PCED1B: variants seen among roughly 807,000 people sequenced by gnomAD.
The protein encoded by PCED1B is PC-esterase domain containing 1B.
For synonymous variants in PCED1B, 251 were observed against 246.1 expected, an observed-to-expected ratio of 1.02 and a Z score of -0.19; for missense variants, 573 against 573.9, an observed-to-expected ratio of 1.00 and a Z score of 0.02.
At chr12:47,184,807 T>G (rs1228004840) in intron 2 of PCED1B, among the ~76,000 whole-genome samples, 1 of 152,192 alleles carries the variant, frequency 6.6e-6, no homozygotes, top group Non-Finnish European at 1.5e-5. Context: ...TATGAAAATT[T>G]TATTACCTTA....
intron 2 of PCED1B, among the ~76,000 whole-genome samples, chr12:47,109,127 C>T (rs1191274670): frequency 6.6e-6 from 1 of 152,154 alleles, no homozygotes; most frequent in Non-Finnish European, 1.5e-5. Flanking sequence ...TATGTTTTTG[C>T]ACTTTCCAAA....
At chr12:47,157,957 A>T (rs1443118513) in intron 2 of PCED1B, among the ~76,000 whole-genome samples, 2 of 152,232 alleles carry the variant, frequency 1.3e-5, no homozygotes, top group African/African-American at 2.4e-5. Context: ...TCCATGTTGT[A>T]GCATGTGTCA....
chr12:47,159,479 G>C (rs1941301035), intron 2 of PCED1B, among the ~76,000 whole-genome samples: 1 of 151,972 alleles, frequency 6.6e-6, no homozygotes, highest in South Asian at 2.1e-4. Flanking sequence ...GTTTTTGTTT[G>C]CATTTCTCTG....
chr12:47,236,247 T>C lies in PCED1B; in HGVS notation c.1184T>C (p.Val395Ala), dbSNP rs751665541. The C allele has an allele frequency of 3.7e-6, 6 of 1,614,130 alleles. No individual in the cohort carries two copies. The South Asian group carries it at 5.5e-5, about 15-fold the overall frequency. ...CCCCGTTATCAGCGGCCTGCCCCAG[T>C]GGTACATAGGGGTTTTGGCAGGTAT... The part of the protein sequence containing the change: ...PTPRYQRPAP[V>A]VHRGFGRYRP... Residue 395 changes from valine (V) to alanine (A), a missense_variant, in exon 4 of 4, where the codon GTG becomes GCG. Physicochemically the swap from Val to Ala is moderately conservative, Grantham distance 64. Coordinates refer to ENST00000546455, the MANE Select transcript of PCED1B (RefSeq NM_138371.3).
intron 1 of PCED1B, among the ~76,000 whole-genome samples, chr12:47,093,528 A>T (rs1336454964): frequency 6.6e-6 from 1 of 151,962 alleles, no homozygotes; most frequent in South Asian, 2.1e-4. Flanking sequence ...TCTTGAAATT[A>T]ACACTTAAAT....
chr12:47,231,913 A>G (rs1943820031), intron 3 of PCED1B, among the ~76,000 whole-genome samples: 1 of 152,156 alleles, frequency 6.6e-6, no homozygotes, highest in African/African-American at 2.4e-5. Context: ...CACATTTTGC[A>G]CTTTGGAGAC....
chr12:47,227,240 CG>C (rs1389308955), intron 3 of PCED1B, among the ~76,000 whole-genome samples: 4 of 152,078 alleles, frequency 2.6e-5, no homozygotes, highest in African/African-American at 9.7e-5. Context: ...GGCAAGATCT[CG>C]GCTCACTGCA....
intron 2 of PCED1B, among the ~76,000 whole-genome samples, chr12:47,175,174 G>A (rs1458472209): frequency 6.6e-6 from 1 of 152,152 alleles, no homozygotes; most frequent in Non-Finnish European, 1.5e-5. Flanking sequence ...TGCTAGTTGA[G>A]TAGAATATTT....
intron 2 of PCED1B, among the ~76,000 whole-genome samples, chr12:47,169,289 C>A (rs1377425095): frequency 6.6e-6 from 1 of 152,188 alleles, no homozygotes; most frequent in Non-Finnish European, 1.5e-5. Context: ...TTCCTCTCAA[C>A]ATCCCTCCAT....
intron 2 of PCED1B, among the ~76,000 whole-genome samples, chr12:47,180,169 A>G (rs1308965748): frequency 6.6e-6 from 1 of 151,952 alleles, no homozygotes; most frequent in East Asian, 1.9e-4. Flanking sequence ...TTCACCTCCC[A>G]CTTGTAAGTG....
chr12:47,162,341 A>G (rs1941412984), intron 2 of PCED1B, among the ~76,000 whole-genome samples: 1 of 152,016 alleles, frequency 6.6e-6, no homozygotes, highest in Non-Finnish European at 1.5e-5. Context: ...AGTTCTGCAG[A>G]GTGTACAAGA....
chr12:47,126,002 T>A (rs1403960112), intron 2 of PCED1B, among the ~76,000 whole-genome samples: 1 of 152,036 alleles, frequency 6.6e-6, no homozygotes, highest in Admixed American at 6.6e-5. Context: ...AAAAATCACA[T>A]TTTTTTCTTA....
At chr12:47,221,685 C>T (rs183923306) in intron 3 of PCED1B, among the ~76,000 whole-genome samples, 245 of 152,302 alleles carry the variant, frequency 1.6e-3, no homozygotes, top group Non-Finnish European at 2.5e-3. Context: ...TGAGAATGTG[C>T]TGCCATCATT....
chr12:47,113,876 G>A (rs1939304860), intron 2 of PCED1B, among the ~76,000 whole-genome samples: 1 of 151,898 alleles, frequency 6.6e-6, no homozygotes, highest in South Asian at 2.1e-4. Context: ...TGGGTGTGGT[G>A]GCGGGCAGAG....
intron 1 of PCED1B, among the ~76,000 whole-genome samples, chr12:47,091,375 A>G (rs1052161935): frequency 2.6e-5 from 4 of 152,014 alleles, no homozygotes; most frequent in African/African-American, 9.7e-5. Context: ...GAGTTGTTCA[A>G]CTTTTTCTTA....
chr12:47,089,690 GT>G (rs1327756115), intron 1 of PCED1B, among the ~76,000 whole-genome samples: 1 of 151,596 alleles, frequency 6.6e-6, no homozygotes, highest in African/African-American at 2.4e-5. Context: ...AGAGAGATAC[GT>G]TTGCCAATAA....
At chr12:47,149,746 G>A (rs1046309343) in intron 2 of PCED1B, among the ~76,000 whole-genome samples, 8 of 152,112 alleles carry the variant, frequency 5.3e-5, no homozygotes, top group Non-Finnish European at 1.0e-4. Flanking sequence ...TTTATATAAG[G>A]ACAGGCAGCT....
chr12:47,107,115 T>C (rs990999534), intron 2 of PCED1B, among the ~76,000 whole-genome samples: 1 of 152,232 alleles, frequency 6.6e-6, no homozygotes, highest in African/African-American at 2.4e-5. Context: ...CCAAGTGCCC[T>C]GATTCTTTGT....
intron 2 of PCED1B, among the ~76,000 whole-genome samples, chr12:47,201,016 G>A (rs1485484264): frequency 1.3e-5 from 2 of 152,080 alleles, no homozygotes; most frequent in African/African-American, 4.8e-5. Flanking sequence ...TAGAGAAAAC[G>A]CCACACTTTG....
Sources: gnomAD v4.1 joint callset for allele counts (sites outside exome capture counted in the v4.1 genomes callset) on GRCh38, gnomAD v4.1.1 for gene constraint, MANE v1.5 for transcripts, NCBI Gene and HGNC (gene_info 2026-07-23, HGNC 2026-07-21) for gene names.